Variants in EYS observed in about 807,000 individuals in gnomAD.
EYS encodes the protein protein eyes shut homolog.
Under a neutral mutation model 282.1 loss-of-function variants are expected in EYS, and 250 were observed. The ratio of observed to expected loss-of-function variants is 0.89; its 90% CI spans 0.80 to 0.98. The LOEUF (loss-of-function observed/expected upper bound fraction) is 0.98, where lower values mean the gene tolerates loss of function less well. Among genes scored for constraint, EYS ranks in the 50% least tolerant of loss-of-function variants. The pLI is 0.00. For missense variants in EYS, 4,016 were observed against 3,709.0 expected (o/e 1.08, Z -2.15); for synonymous variants, 1,355 against 1,282.9 (o/e 1.06, Z -1.20).
rs1774836131 is a variant in EYS, at chr6:64,438,837, A to G, written c.5835+325T>C. On this transcript the variant is annotated intron_variant, in intron 27 of 42. Coordinates refer to ENST00000503581, the MANE Select transcript of EYS (RefSeq NM_001142800.2). ...ATTAGGTATATTTTCCAGAAAAAATAGAGACCTTTTGAGCAAAATACTCTG... is the reference window on the plus strand; with the variant it reads ...ATTAGGTATATTTTCCAGAAAAAATGGAGACCTTTTGAGCAAAATACTCTG... Among the ~76,000 whole-genome samples the G allele has an allele frequency of 4.0e-5, 6 of 151,810 alleles. No homozygotes were observed. The South Asian group carries it at 1.2e-3, about 31-fold the overall frequency.
intron 11 of EYS, chr6:65,330,903 T>C (rs968194223): frequency 1.0e-6 from 1 of 976,840 alleles, no homozygotes; most frequent in Non-Finnish European, 1.2e-6. Context: ...ATGAGCCATT[T>C]CCTCAATACC....
chr6:63,865,163 G>A (rs908680303), intron 35 of EYS, among the ~76,000 whole-genome samples: 4 of 152,198 alleles, frequency 2.6e-5, no homozygotes, highest in Admixed American at 1.3e-4. Context: ...AGGCCAACTG[G>A]CCAACCTCTG....
intron 18 of EYS, among the ~76,000 whole-genome samples, chr6:64,887,421 A>C (rs1460476340): frequency 6.6e-6 from 1 of 151,412 alleles, no homozygotes; most frequent in Non-Finnish European, 1.5e-5. Context: ...CCTGAAACTT[A>C]AAGTATAATA....
chr6:63,838,867 A>G (rs1394177354), intron 36 of EYS, among the ~76,000 whole-genome samples: 1 of 152,096 alleles, frequency 6.6e-6, no homozygotes, highest in Non-Finnish European at 1.5e-5. Context: ...GTGATCTCAT[A>G]TATTTCCATG....
At chr6:64,893,808 G>A (rs1402461665) in intron 18 of EYS, among the ~76,000 whole-genome samples, 2 of 142,660 alleles carry the variant, frequency 1.4e-5, no homozygotes, top group Non-Finnish European at 3.1e-5. Flanking sequence ...ATATATATAT[G>A]AGATGTCATA....
At chr6:65,246,455 T>A (rs1464767463) in intron 12 of EYS, among the ~76,000 whole-genome samples, 1 of 152,152 alleles carries the variant, frequency 6.6e-6, no homozygotes, top group African/African-American at 2.4e-5. Flanking sequence ...GAGGACAAAA[T>A]CAAATTAAGA....
chr6:63,906,967 G>A (rs1193174073), intron 35 of EYS, among the ~76,000 whole-genome samples: 1 of 152,002 alleles, frequency 6.6e-6, no homozygotes, highest in Middle Eastern at 3.4e-3. Context: ...GAGGAACACT[G>A]GTCTAGCTCT....
At chr6:64,905,129 C>T (rs1767783155) in intron 16 of EYS, among the ~76,000 whole-genome samples, 1 of 152,186 alleles carries the variant, frequency 6.6e-6, no homozygotes, top group Admixed American at 6.6e-5. Context: ...TAGGCTATCT[C>T]ATCTAGGTTT....
intron 11 of EYS, among the ~76,000 whole-genome samples, chr6:65,299,860 A>T (rs1450902371): frequency 6.6e-6 from 1 of 152,144 alleles, no homozygotes; most frequent in Non-Finnish European, 1.5e-5. Flanking sequence ...TACATTTCTT[A>T]CACTGCTCCT....
At chr6:64,038,569 G>A (rs1483833360) in intron 33 of EYS, among the ~76,000 whole-genome samples, 1 of 151,478 alleles carries the variant, frequency 6.6e-6, no homozygotes, top group Admixed American at 6.6e-5. Flanking sequence ...GCAATATTAG[G>A]ATATACTTTA....
At chr6:64,469,595 A>G (rs1776042735) in intron 26 of EYS, among the ~76,000 whole-genome samples, 1 of 152,132 alleles carries the variant, frequency 6.6e-6, no homozygotes, top group South Asian at 2.1e-4. Flanking sequence ...TCCTTGGTCT[A>G]GCGGTGACGC....
chr6:64,252,164 G>C (rs1208594702), intron 30 of EYS, among the ~76,000 whole-genome samples: 9 of 152,034 alleles, frequency 5.9e-5, no homozygotes, highest in Admixed American at 4.6e-4. Flanking sequence ...CTTCAGATGG[G>C]ATTCATTTGT....
intron 28 of EYS, among the ~76,000 whole-genome samples, chr6:64,424,527 C>A (rs1774341823): frequency 6.6e-6 from 1 of 152,222 alleles, no homozygotes; most frequent in South Asian, 2.1e-4. Context: ...ATGGCTGCAC[C>A]AAACTGCATC....
chr6:64,821,388 G>T (rs1364537505), intron 21 of EYS, among the ~76,000 whole-genome samples: 2 of 151,926 alleles, frequency 1.3e-5, no homozygotes, highest in Non-Finnish European at 2.9e-5. Context: ...TTAGTTTGGT[G>T]GGGCGGTCGG....
At chr6:64,987,778 G>T (rs980585859) in intron 14 of EYS, among the ~76,000 whole-genome samples, 15 of 151,342 alleles carry the variant, frequency 9.9e-5, no homozygotes, top group African/African-American at 3.6e-4. Context: ...AGAACAAAGT[G>T]GGATTTATAT....
chr6:65,351,113 TA>T (rs1336892461), intron 9 of EYS, among the ~76,000 whole-genome samples: 1 of 151,808 alleles, frequency 6.6e-6, no homozygotes, highest in East Asian at 1.9e-4. Context: ...TTTTAACTTC[TA>T]TTTTGTTTTG....
intron 2 of EYS, among the ~76,000 whole-genome samples, chr6:65,603,904 A>G (rs1765692337): frequency 6.6e-6 from 1 of 151,926 alleles, no homozygotes; most frequent in Non-Finnish European, 1.5e-5. Context: ...TCAAACAGCA[A>G]GTAGAAAAAT....
intron 16 of EYS, 38 bp from the exon 17 acceptor site, chr6:64,902,538 T>G: frequency 8.1e-7 from 1 of 1,229,672 alleles, no homozygotes; most frequent in Non-Finnish European, 1.1e-6. Context: ...TGAGCAATCC[T>G]TGTTATAGAG....
At position 64,208,519 on chromosome 6, in the gene EYS, C is replaced by T. The variant is rs968490276; in HGVS notation, c.6424+22073G>A. On this transcript the variant is annotated intron_variant, in intron 31 of 42. Transcript: ENST00000503581. ...TAGCCACAGAAAAGAAACAAAATAACGGTATATTACAGTAAATTTACATGG... is the reference window on the plus strand; with the variant it reads ...TAGCCACAGAAAAGAAACAAAATAATGGTATATTACAGTAAATTTACATGG... Among the ~76,000 whole-genome samples the T allele has an allele frequency of 7.9e-5, 12 of 151,856 alleles. No individual in the cohort carries two copies. The South Asian group carries it at 8.3e-4, about 11-fold the overall frequency.
Sources: allele counts gnomAD v4.1 joint callset (sites outside exome capture counted in the v4.1 genomes callset), GRCh38; gene constraint gnomAD v4.1.1; transcripts MANE v1.5; gene names NCBI Gene and HGNC (gene_info 2026-07-23, HGNC 2026-07-21).